PCGF1: variants seen among roughly 807,000 people sequenced by gnomAD.
PCGF1 encodes polycomb group RING finger protein 1.
A neutral mutation model predicts 38.8 loss-of-function variants in PCGF1; 10 were observed. That is an observed-to-expected ratio of 0.26 (90% CI 0.16 to 0.44). PCGF1 has a LOEUF of 0.44. Ranked by LOEUF, PCGF1 falls within the 20% of genes least tolerant of loss-of-function variation. The pLI, the probability that PCGF1 is intolerant of heterozygous loss-of-function variation, is 1.00. For missense variants in PCGF1, 230 were observed against 331.5 expected (o/e 0.69, Z 2.38); for synonymous variants, 119 against 121.3 (o/e 0.98, Z 0.12).
intron 2 of PCGF1, 58 bp from the exon 3 acceptor site, chr2:74,506,942 G>C: frequency 1.2e-6 from 2 of 1,610,846 alleles, no homozygotes; most frequent in African/African-American, 2.7e-5. Flanking sequence ...CATGGGCTGG[G>C]TGGGGTGCCT....
chr2:74,506,376 G>C, intron 3 of PCGF1, 124 bp from the exon 4 acceptor site: 1 of 866,462 alleles, frequency 1.2e-6, no homozygotes, highest in African/African-American at 1.7e-5. Context: ...AGGAGATTGA[G>C]GCCATCCTGG....
intron 3 of PCGF1, chr2:74,506,509 T>C: frequency 1.6e-6 from 1 of 622,242 alleles, no homozygotes. Flanking sequence ...ATCCAGGAGG[T>C]GGAGCTTGCA....
rs369371639 is a variant in PCGF1 at position 74,505,432 on chromosome 2, T to C, written c.652-13A>G. Reference sequence around the variant, plus strand: ...AAAGGAGCTGCACCTAGGAGGGAGATGGGGGCATAATTTTAGGAACTTTCT... The same window carrying C: ...AAAGGAGCTGCACCTAGGAGGGAGACGGGGGCATAATTTTAGGAACTTTCT... On this transcript the variant is annotated splice_polypyrimidine_tract_variant and intron_variant, in intron 7 of 8. Transcript: ENST00000233630. 101 of 1,607,106 alleles carry C rather than the reference T, an allele frequency of 6.3e-5. No individual in the cohort carries two copies. Among genetic ancestry groups the C allele is most frequent in the Admixed American group, 3.2e-4 (19 of 59,024 alleles).
chr2:74,507,145 C>T lies in PCGF1; in HGVS notation c.96G>A (p.Glu32=), dbSNP rs1674657038. 3.1e-6 allele frequency: 5 copies of T among 1,613,944 alleles called. No homozygotes were observed. The East Asian group carries it at 1.1e-4, about 36-fold the overall frequency. The part of the protein sequence containing the change: ...VYKMDPLRNE[E]EVRVKIKDLN... ...AGTCTTTGATCTTCACTCGAACCTC[C>T]TCCTGAAGATACACCCTCCGTCACC... Residue 32 remains glutamate, a splice_region_variant and synonymous_variant, in exon 2 of 9, where the codon GAG becomes GAA. Coordinates refer to ENST00000233630, the MANE Select transcript of PCGF1 (RefSeq NM_032673.3).
chr2:74,507,096 G>C lies in PCGF1; in HGVS notation c.145C>G (p.Leu49Val). The C allele has an allele frequency of 6.2e-7, 1 of 1,614,224 alleles. No homozygotes were observed. The highest frequency in any genetic ancestry group is 8.5e-7 in the Non-Finnish European group (1 of 1,180,038). The stretch of plus-strand genomic sequence containing the variant: ...GCATCCACGAAGTAGCCGGCGCATA[G>C]GCAGCAAACAATGTGTTCATTCAAG... ...KDLNEHIVCC[L>V]CAGYFVDATT... The change falls in exon 2 of 9, where the codon CTA (leucine) becomes GTA (valine). Residue 49 changes from leucine (L) to valine (V), a missense_variant. Physicochemically the swap from Leu to Val is conservative, Grantham distance 32. Transcript: ENST00000233630.
rs1024753992 is a variant in PCGF1 at position 74,505,650 on chromosome 2, G to C, written c.565-12C>G. 4.3e-6 allele frequency: 7 copies of C among 1,614,108 alleles called. No homozygotes were observed. Among genetic ancestry groups the C allele is most frequent in the Non-Finnish European group, 5.9e-6 (7 of 1,180,012 alleles). ...CGGACATACTTGTTCTGGGAGCAGG[G>C]AGGGGAGGGAAGAGGGCAAGGTGTG... On this transcript the variant is annotated splice_polypyrimidine_tract_variant and intron_variant, in intron 6 of 8. Coordinates refer to ENST00000233630, the MANE Select transcript of PCGF1 (RefSeq NM_032673.3).
At position 74,506,522 on chromosome 2, in the gene PCGF1, G is replaced by A. The variant is rs531105433; in HGVS notation, c.352+210C>T. On this transcript the variant is annotated intron_variant, in intron 3 of 8. Coordinates refer to ENST00000233630, the MANE Select transcript of PCGF1 (RefSeq NM_032673.3). ...GAATCCAGGAGGTGGAGCTTGCAGT[G>A]AGCTGAGATTGCGCCACTGCACTCC... 1.1e-3 allele frequency: 700 copies of A among 634,366 alleles called. 3 individuals are homozygous for A. The African/African-American group carries it at 0.011, about 10-fold the overall frequency. 39.3% of individuals were successfully genotyped at this position (634,366 alleles called of 1,614,324 possible). A position where few individuals can be genotyped will look rare whatever the true frequency, so the allele number is the denominator to read the frequency against.
chr2:74,505,933 C>T lies in PCGF1; in HGVS notation c.530+19G>A, dbSNP rs1181649301. On this transcript the variant is annotated intron_variant, in intron 5 of 8. Coordinates refer to ENST00000233630, the MANE Select transcript of PCGF1 (RefSeq NM_032673.3). ...TCATTGGCACTGTCACCTCCTGCAA[C>T]CCCTGACCTTCTCCTCACCTCAGCC... 2 of 1,612,870 alleles carry T rather than the reference C, an allele frequency of 1.2e-6. No homozygotes were observed. The highest frequency in any genetic ancestry group is 2.2e-5 in the South Asian group (2 of 91,036).
chr2:74,507,271 C>T (rs1674662126), intron 1 of PCGF1, 124 bp from the exon 2 acceptor site: 1 of 1,480,404 alleles, frequency 6.8e-7, no homozygotes, highest in Non-Finnish European at 9.0e-7. Flanking sequence ...CGCCATCAGC[C>T]GGGGATTAGC....
intron 6 of PCGF1, 42 bp from the exon 7 acceptor site, chr2:74,505,680 G>A: frequency 6.2e-7 from 1 of 1,614,016 alleles, no homozygotes; most frequent in Non-Finnish European, 8.5e-7. Context: ...GGTGTGTGAG[G>A]GAAGGACCAT....
In PCGF1 at chr2:74,505,795, G is replaced by A. The variant is rs1674616871; in HGVS notation, c.531-25C>T. On this transcript the variant is annotated intron_variant, in intron 5 of 8. Transcript: ENST00000233630. ...ACTGGGGGGAAATAGACACAGGTTA[G>A]GGAATCCTATCTTTCCTCCTCTTCC... The A allele has an allele frequency of 2.5e-6, 4 of 1,613,856 alleles. No individual in the cohort carries two copies. In the Admixed American group the frequency reaches 5.0e-5, roughly 20 times the overall value.
intron 2 of PCGF1, 54 bp from the exon 3 acceptor site, chr2:74,506,938 C>G: frequency 1.2e-6 from 2 of 1,611,770 alleles, no homozygotes; most frequent in Non-Finnish European, 1.7e-6. Flanking sequence ...GATTCATGGG[C>G]TGGGTGGGGT....
At position 74,506,728 on chromosome 2, in the gene PCGF1, T is replaced by G. The variant is rs1674646017; in HGVS notation, c.352+4A>C. The G allele has an allele frequency of 6.2e-7, 1 of 1,613,456 alleles. No homozygotes were observed. On this transcript the variant is annotated splice_donor_region_variant and intron_variant, in intron 3 of 8. Coordinates refer to ENST00000233630, the MANE Select transcript of PCGF1 (RefSeq NM_032673.3). ...GGCCCCTCAAAGTCAGGTTGGTGAC[T>G]CACTGTCTTGCAAGCCAGGCACCAG... is the stretch of plus-strand genomic sequence containing the variant.
rs746215351 is a variant in PCGF1, at chr2:74,505,375, T to G, written c.696A>C (p.Thr232=). 34 of 1,610,780 alleles carry G rather than the reference T, an allele frequency of 2.1e-5. No individual in the cohort carries two copies. The Admixed American group carries it at 5.4e-4, about 25-fold the overall frequency. Residue 232 remains threonine (T), a synonymous_variant, in exon 8 of 9, where the codon ACA becomes ACC. Coordinates refer to ENST00000233630, the MANE Select transcript of PCGF1 (RefSeq NM_032673.3). ...AGCGGGAGAGCCATATCTGCTTCAT[T>G]GTCATGTGATCAGGGAGAACTTCAT... The part of the protein sequence containing the change: ...FDNEVLPDHM[T]MKQIWLSRWF...
intron 3 of PCGF1, 73 bp from the exon 4 acceptor site, chr2:74,506,325 C>A: frequency 7.0e-7 from 1 of 1,421,370 alleles, no homozygotes; most frequent in Admixed American, 1.7e-5. Context: ...CGCCTGTAAT[C>A]CCAGCACTTT....
Position 74,506,833 on chromosome 2 carries a change from A to G in PCGF1, c.251T>C (p.Met84Thr). The change falls in exon 3 of 9, where the codon ATG (methionine) becomes ACG (threonine). Residue 84 changes from methionine to threonine, a missense_variant. Physicochemically the swap from Met to Thr is moderately conservative, Grantham distance 81. This residue lies in a region of PCGF1 where 40 missense variants were observed against 113.2 expected (regional missense o/e 0.35). Coordinates refer to ENST00000233630, the MANE Select transcript of PCGF1 (RefSeq NM_032673.3). ...KYLQTSKYCP[M>T]CNIKIHETQP... ...TGTCTCGTGGATCTTAATGTTGCAC[A>G]TGGGGCAGTACTTGCTAGTTTGGAG... 6.2e-7 allele frequency: 1 copy of G among 1,614,216 alleles called. No homozygotes were observed.
chr2:74,507,227 T>C lies in PCGF1; in HGVS notation c.94-80A>G. On this transcript the variant is annotated intron_variant, in intron 1 of 8. Transcript: ENST00000233630. The stretch of plus-strand genomic sequence containing the variant: ...CCTTCCCACCTTGGGGGTCGCCTCC[T>C]TCATCACACTAGACGGCCAAGCCCC... 3 of 1,524,830 alleles carry C rather than the reference T, an allele frequency of 2.0e-6. No homozygotes were observed. In the South Asian group the frequency reaches 3.6e-5, roughly 18 times the overall value. The allele number at this position is 1,524,830 out of a possible 1,614,324, so 94.5% of individuals were successfully genotyped here.
At chr2:74,505,310 G>A (rs1674601750) in intron 8 of PCGF1, 29 bp downstream of exon 8, 2 of 1,594,422 alleles carry the variant, frequency 1.3e-6, no homozygotes, top group Non-Finnish European at 1.7e-6. Context: ...TGAAGGGGGT[G>A]TGATCCCAGG....
chr2:74,507,469 G>C, intron 1 of PCGF1, 107 bp downstream of exon 1: 7 of 1,507,064 alleles, frequency 4.6e-6, no homozygotes, highest in East Asian at 2.5e-5. Flanking sequence ...TGGGCACTCT[G>C]TCTCTGCGCA....
Sources: gnomAD v4.1 joint callset for allele counts on GRCh38, gnomAD v4.1.1 for gene constraint, gnomAD v4.1.1 regional missense constraint, MANE v1.5 for transcripts, NCBI Gene and HGNC (gene_info 2026-07-23, HGNC 2026-07-21) for gene names.